The following NCOA6 variants were observed in gnomAD, a reference collection of about 807,000 sequenced individuals.
NCOA6 encodes nuclear receptor coactivator 6.
NCOA6 carries 49 observed loss-of-function variants against 171.4 expected under a neutral mutation model. The observed-to-expected ratio is 0.29, with a 90% CI of 0.23 to 0.36. The LOEUF (loss-of-function observed/expected upper bound fraction) is 0.36. Ranked by LOEUF, NCOA6 falls within the 10% of genes least tolerant of loss-of-function variation. The pLI, the probability that NCOA6 is intolerant of heterozygous loss-of-function variation, is 1.00. For synonymous variants in NCOA6, 910 were observed against 927.5 expected (o/e 0.98, Z 0.34); for missense variants, 2,248 against 2,554.5 (o/e 0.88, Z 2.59).
chr20:34,758,775 T>C, intron 6 of NCOA6, 30 bp downstream of exon 6: 1 of 1,608,716 alleles, frequency 6.2e-7, no homozygotes, highest in East Asian at 2.2e-5. Flanking sequence ...AGTTTCAGAC[T>C]CTTCATCCTC....
rs1338088219 is a variant in NCOA6 at position 34,740,987 on chromosome 20, G to A, written c.5269C>T (p.His1757Tyr). 2 of 1,614,232 alleles carry A rather than the reference G, an allele frequency of 1.2e-6. No individual in the cohort carries two copies. Among genetic ancestry groups the A allele is most frequent in the South Asian group, 1.1e-5 (1 of 91,084 alleles). The change falls in exon 11 of 15, where the codon CAT becomes TAT. Residue 1757 changes from histidine to tyrosine, a missense_variant. Transcript: ENST00000359003. Reference sequence around the variant, plus strand: ...TCTTTCACTTGCTGCACAGGGGGATGAGAAGGGACAACTGGAGAAGACGTA... The same window carrying A: ...TCTTTCACTTGCTGCACAGGGGGATAAGAAGGGACAACTGGAGAAGACGTA... ...PCTSSPVVPSHPPVQQVKELN... is the reference protein window; with the variant it reads ...PCTSSPVVPSYPPVQQVKELN...
At chr20:34,725,299 A>G (rs1409287224) in intron 14 of NCOA6, among the ~76,000 whole-genome samples, 1 of 152,194 alleles carries the variant, frequency 6.6e-6, no homozygotes, top group African/African-American at 2.4e-5. Flanking sequence ...CTATGTCACA[A>G]ACTGGCATAG....
rs774761840 is a variant in NCOA6 at position 34,750,104 on chromosome 20, C to T, written c.2091G>A (p.Gln697=). 7 of 1,614,068 alleles carry T rather than the reference C, an allele frequency of 4.3e-6. No homozygotes were observed. In the African/African-American group the frequency reaches 9.3e-5, roughly 22 times the overall value. Residue 697 remains glutamine, a synonymous_variant, in exon 9 of 15, where the codon CAG becomes CAA. Coordinates refer to ENST00000359003, the MANE Select transcript of NCOA6 (RefSeq NM_014071.5). ...AAACCTGCCCCTGAGGCCCCATCAT[C>T]TGGTTATGTGGCGCCATCATTTGTG... is the stretch of plus-strand genomic sequence containing the variant. ...QGPQMMAPHN[Q]MMGPQGQVLL... is the part of the protein sequence containing the mutation.
At chr20:34,759,343 A>C (rs1329541877) in intron 5 of NCOA6, among the ~76,000 whole-genome samples, 1 of 152,150 alleles carries the variant, frequency 6.6e-6, no homozygotes, top group Non-Finnish European at 1.5e-5. Flanking sequence ...CCCGGCCTGG[A>C]AGTTTCTACA....
chr20:34,736,607 G>T, intron 12 of NCOA6, 83 bp downstream of exon 12: 1 of 1,167,554 alleles, frequency 8.6e-7, no homozygotes, highest in Non-Finnish European at 1.2e-6. Flanking sequence ...CCTGGCATAA[G>T]AACACACGAC....
chr20:34,769,367 AT>A (rs764208500), intron 4 of NCOA6, among the ~76,000 whole-genome samples: 280 of 142,724 alleles, frequency 2.0e-3, no homozygotes, highest in Middle Eastern at 7.2e-3. Context: ...TACGTATAGG[AT>A]TTTTTTTTTT....
chr20:34,812,769 A>G (rs534286351), intron 1 of NCOA6, among the ~76,000 whole-genome samples: 123 of 152,298 alleles, frequency 8.1e-4, no homozygotes, highest in Non-Finnish European at 1.5e-3. Context: ...TAATCCCAGC[A>G]CCTTGGGAGG....
rs751464578 is a variant in NCOA6 at position 34,757,894 on chromosome 20, T to A, written c.854A>T (p.Gln285Leu). The change falls in exon 7 of 15, where the codon CAG becomes CTG. Residue 285 changes from glutamine (Q) to leucine (L), a missense_variant. Coordinates refer to ENST00000359003, the MANE Select transcript of NCOA6 (RefSeq NM_014071.5). ...TTGCTGTGGGGGTCTTGCCTGCAAC[T>A]GTTGTTGCTGCTGTTGCTGTTGTTG... is the stretch of plus-strand genomic sequence containing the variant. ...QQQQQQQQQQ[Q>L]LQARPPQQHQ... The A allele has an allele frequency of 1.2e-6, 2 of 1,614,098 alleles. No homozygotes were observed. The highest frequency in any genetic ancestry group is 4.5e-5 in the East Asian group (2 of 44,874).
At chr20:34,746,325 G>C (rs938792415) in intron 10 of NCOA6, among the ~76,000 whole-genome samples, 1 of 149,604 alleles carries the variant, frequency 6.7e-6, no homozygotes, top group Non-Finnish European at 1.5e-5. Context: ...CTGCAACTTC[G>C]ACTTCCTGGG....
rs544669583 is a variant in NCOA6, at chr20:34,727,562, T to C, written c.6000-155A>G. Among the ~76,000 whole-genome samples the C allele has an allele frequency of 2.6e-5, 4 of 152,160 alleles. No homozygotes were observed. The South Asian group carries it at 6.2e-4, about 24-fold the overall frequency. On this transcript the variant is annotated intron_variant, in intron 13 of 14. Coordinates refer to ENST00000359003, the MANE Select transcript of NCOA6 (RefSeq NM_014071.5). ...GTTCAACCTGGGGTAATAAGCACTA[T>C]TGCCTTCTATGTTACTGGGGGTTTA... is the stretch of plus-strand genomic sequence containing the variant.
intron 2 of NCOA6, among the ~76,000 whole-genome samples, chr20:34,785,141 G>A (rs1307063721): frequency 6.6e-6 from 1 of 151,910 alleles, no homozygotes; most frequent in Non-Finnish European, 1.5e-5. Context: ...CAACAGCAAA[G>A]GCTTTCCAAA....
In NCOA6 at chr20:34,740,566, C is replaced by T. The variant is rs1173877415; in HGVS notation, c.5690G>A (p.Gly1897Asp). Residue 1897 changes from glycine (G) to aspartate (D), a missense_variant, in exon 11 of 15, where the codon GGC (glycine) becomes GAC (aspartate). By Grantham distance (94) the Gly-to-Asp change is moderately conservative. Around this residue, in one of 7 missense-constraint regions of NCOA6, gnomAD observed 884 missense variants for 941.9 expected, o/e 0.94. Coordinates refer to ENST00000359003, the MANE Select transcript of NCOA6 (RefSeq NM_014071.5). Reference sequence around the variant, plus strand: ...TAAGCTGGGTCCTGCTGAGGCAGTGCCCGGGCCCACAGGGCTAGAGGTCAT... The same window carrying T: ...TAAGCTGGGTCCTGCTGAGGCAGTGTCCGGGCCCACAGGGCTAGAGGTCAT... ...LKMTSSPVGP[G>D]TASAGPSLPG... The T allele has an allele frequency of 6.2e-7, 1 of 1,614,122 alleles. No homozygotes were observed. The highest frequency in any genetic ancestry group is 8.5e-7 in the Non-Finnish European group (1 of 1,180,024).
Position 34,782,214 on chromosome 20 carries a change from T to C in NCOA6, c.142A>G (p.Ile48Val). 6.2e-7 allele frequency: 1 copy of C among 1,612,752 alleles called. No individual in the cohort carries two copies. The highest frequency in any genetic ancestry group is 1.1e-5 in the South Asian group (1 of 90,944). Residue 48 changes from isoleucine to valine, a missense_variant, in exon 3 of 15, where the codon ATT becomes GTT. By Grantham distance (29) the Ile-to-Val change is conservative. This residue lies in a region of NCOA6 where 987 missense variants were observed against 1,104.7 expected (regional missense o/e 0.89). Coordinates refer to ENST00000359003, the MANE Select transcript of NCOA6 (RefSeq NM_014071.5). ...KSDSILEDSTIFVAFKGNIDD... is the reference protein window; with the variant it reads ...KSDSILEDSTVFVAFKGNIDD... ...ATATTTCCTTTGAAGGCCACAAAAATTGTGGAATCCTCCAAAATACTATCA... is the reference window on the plus strand; with the variant it reads ...ATATTTCCTTTGAAGGCCACAAAAACTGTGGAATCCTCCAAAATACTATCA...
At chr20:34,796,466 C>CA (rs1310922253) in intron 1 of NCOA6, among the ~76,000 whole-genome samples, 1 of 151,490 alleles carries the variant, frequency 6.6e-6, no homozygotes, top group East Asian at 2.0e-4. Context: ...CAAAAAAATA[C>CA]AAAAAATTAG....
chr20:34,740,583 A>G lies in NCOA6; in HGVS notation c.5673T>C (p.Ser1891=), dbSNP rs2076105197. 1 of 1,614,160 alleles carries G rather than the reference A, an allele frequency of 6.2e-7. No homozygotes were observed. Among genetic ancestry groups the G allele is most frequent in the Non-Finnish European group, 8.5e-7 (1 of 1,180,024 alleles). ...PPAPTLLKMT[S]SPVGPGTASA... The stretch of plus-strand genomic sequence containing the variant: ...AGGCAGTGCCCGGGCCCACAGGGCT[A>G]GAGGTCATTTTTAGCAGAGTGGGTG... Residue 1891 remains serine (S), a synonymous_variant, in exon 11 of 15, where the codon TCT becomes TCC. Coordinates refer to ENST00000359003, the MANE Select transcript of NCOA6 (RefSeq NM_014071.5).
intron 1 of NCOA6, among the ~76,000 whole-genome samples, chr20:34,798,459 T>C (rs2078152831): frequency 6.6e-6 from 1 of 152,178 alleles, no homozygotes; most frequent in South Asian, 2.1e-4. Flanking sequence ...CCCTAGGGCC[T>C]TGAGTGAAGA....
chr20:34,744,358 C>T (rs573864387), intron 10 of NCOA6, among the ~76,000 whole-genome samples: 3 of 152,202 alleles, frequency 2.0e-5, no homozygotes, highest in East Asian at 1.9e-4. Flanking sequence ...TAAAAAGATA[C>T]GCAAACCAAG....
At chr20:34,813,052 G>C (rs995523808) in intron 1 of NCOA6, among the ~76,000 whole-genome samples, 2 of 151,886 alleles carry the variant, frequency 1.3e-5, no homozygotes, top group African/African-American at 4.8e-5. Flanking sequence ...CCAGCTACTA[G>C]GGAGGCTGAG....
chr20:34,727,364 G>C lies in NCOA6; in HGVS notation c.6043C>G (p.Arg2015Gly), dbSNP rs771041082. 1 of 1,613,934 alleles carries C rather than the reference G, an allele frequency of 6.2e-7. No homozygotes were observed. The highest frequency in any genetic ancestry group is 1.1e-5 in the South Asian group (1 of 91,074). The change falls in exon 14 of 15, where the codon CGA becomes GGA. Residue 2015 changes from arginine to glycine, a missense_variant. Physicochemically the swap from Arg to Gly is moderately radical, Grantham distance 125. Coordinates refer to ENST00000359003, the MANE Select transcript of NCOA6 (RefSeq NM_014071.5). ...GGCTCTTCAGTTCGGGAGTTTCTTC[G>C]GCCTGGGATTTTGGACTTTTCAACT... ...EIVEKSKIPG[R>G]RNSRTEEPTV...
Sources: allele counts gnomAD v4.1 joint callset (sites outside exome capture counted in the v4.1 genomes callset), GRCh38; gene constraint gnomAD v4.1.1; regional missense constraint gnomAD v4.1.1; transcripts MANE v1.5; gene names NCBI Gene and HGNC (gene_info 2026-07-23, HGNC 2026-07-21).